Variants in SLC4A5 observed in about 807,000 individuals in gnomAD.
SLC4A5 encodes electrogenic sodium bicarbonate cotransporter 4.
In SLC4A5, 96 loss-of-function variants were observed where a neutral mutation model predicts 120.4. The observed-to-expected ratio is 0.80, with a 90% confidence interval of 0.68 to 0.94. SLC4A5 has a LOEUF of 0.94. Ranked by LOEUF, SLC4A5 falls within the 40% of genes least tolerant of loss-of-function variation. SLC4A5 has a pLI of 0.00. For missense variants in SLC4A5, 1,259 were observed against 1,459.5 expected (o/e 0.86, Z 2.24); for synonymous variants, 550 against 571.1 (o/e 0.96, Z 0.53).
chr2:74,319,352 A>C (rs971846302), intron 5 of SLC4A5: 10 of 152,202 alleles, frequency 6.6e-5, no homozygotes, highest in African/African-American at 2.4e-4. Flanking sequence ...GTACTCCCTA[A>C]ATATATATTT....
chr2:74,250,841 C>T (rs2103987106), intron 16 of SLC4A5: 1 of 263,378 alleles, frequency 3.8e-6, no homozygotes, highest in East Asian at 8.4e-5. Flanking sequence ...CTCCTCACAT[C>T]CCTGACCATC....
intron 2 of SLC4A5, among the ~76,000 whole-genome samples, chr2:74,341,304 CAAA>C (rs757430815): frequency 5.4e-5 from 4 of 74,318 alleles, no homozygotes; most frequent in Non-Finnish European, 3.3e-5. Context: ...GACTCCATCT[CAAA>C]AAAAAAAAAA....
chr2:74,229,850 T>C (rs1046754934), intron 25 of SLC4A5, among the ~76,000 whole-genome samples: 2 of 151,952 alleles, frequency 1.3e-5, no homozygotes, highest in Non-Finnish European at 2.9e-5. Context: ...TTCTTTAGCG[T>C]TTGTTTCTTA....
At chr2:74,231,155 T>C (rs1465076539) in intron 25 of SLC4A5, 81 bp downstream of exon 25, 5 of 1,356,414 alleles carry the variant, frequency 3.7e-6, no homozygotes, top group African/African-American at 2.9e-5. Flanking sequence ...TCCCTAGCCA[T>C]GTGGGGACCC....
intron 27 of SLC4A5, among the ~76,000 whole-genome samples, chr2:74,225,884 A>C (rs1694825992): frequency 6.6e-6 from 1 of 152,176 alleles, no homozygotes; most frequent in South Asian, 2.1e-4. Flanking sequence ...CACTCTGCTC[A>C]TGCTCTCTGA....
chr2:74,307,745 C>T (rs1350700060), intron 6 of SLC4A5: 3 of 699,800 alleles, frequency 4.3e-6, no homozygotes, highest in South Asian at 2.7e-5. Context: ...GCCAGGAGGT[C>T]GTTCAGGCTT....
chr2:74,304,975 T>C (rs1329925396), intron 6 of SLC4A5, among the ~76,000 whole-genome samples: 2 of 152,228 alleles, frequency 1.3e-5, no homozygotes, highest in East Asian at 1.9e-4. Context: ...ATATGGCTTA[T>C]GACACGTGGT....
intron 18 of SLC4A5, among the ~76,000 whole-genome samples, chr2:74,248,031 G>T (rs1249528760): frequency 6.6e-6 from 1 of 152,138 alleles, no homozygotes; most frequent in Non-Finnish European, 1.5e-5. Context: ...CTGGGTCTGG[G>T]TGTAACCTTC....
intron 7 of SLC4A5, among the ~76,000 whole-genome samples, chr2:74,300,579 G>T (rs889347639): frequency 1.3e-5 from 2 of 152,136 alleles, no homozygotes; most frequent in African/African-American, 4.8e-5. Flanking sequence ...CATGACAGGT[G>T]TCACCTGCTC....
At chr2:74,311,426 A>G (rs537856508) in intron 6 of SLC4A5, among the ~76,000 whole-genome samples, 3 of 152,212 alleles carry the variant, frequency 2.0e-5, no homozygotes, top group Non-Finnish European at 4.4e-5. Flanking sequence ...TTTCTAATAT[A>G]TGCATTTAAT....
chr2:74,297,368 C>T (rs1672361406), intron 7 of SLC4A5, among the ~76,000 whole-genome samples: 1 of 152,310 alleles, frequency 6.6e-6, no homozygotes, highest in East Asian at 1.9e-4. Context: ...TAGGACCGAT[C>T]TGGTTTTAGC....
At chr2:74,318,623 T>C (rs1000733911) in intron 5 of SLC4A5, among the ~76,000 whole-genome samples, 2 of 151,668 alleles carry the variant, frequency 1.3e-5, no homozygotes, top group Non-Finnish European at 2.9e-5. Flanking sequence ...AAGGCAGAGG[T>C]TGCAGACCGA....
chr2:74,221,388 C>T, intron 30 of SLC4A5, 46 bp downstream of exon 30: 1 of 1,445,482 alleles, frequency 6.9e-7, no homozygotes, highest in South Asian at 1.2e-5. Flanking sequence ...CGGCCATTTC[C>T]TAGTCTCTTA....
chr2:74,235,964 G>A (rs1231027169), intron 21 of SLC4A5, among the ~76,000 whole-genome samples: 1 of 152,190 alleles, frequency 6.6e-6, no homozygotes, highest in African/African-American at 2.4e-5. Context: ...AAGGCAATTT[G>A]AAGGGCAGGG....
At chr2:74,331,020 G>A (rs574824629) in intron 4 of SLC4A5, among the ~76,000 whole-genome samples, 1 of 148,820 alleles carries the variant, frequency 6.7e-6, no homozygotes, top group Non-Finnish European at 1.5e-5. Context: ...AGGTGGTGAG[G>A]TCTAGATGGA....
exon 27 of SLC4A5, chr2:74,226,969 G>T: frequency 6.2e-7 from 1 of 1,613,698 alleles, no homozygotes; most frequent in South Asian, 1.1e-5. Context: ...TGACCGGGAA[G>T]ATGATGGCAG....
At chr2:74,284,036 C>T (rs979529235) in intron 8 of SLC4A5, among the ~76,000 whole-genome samples, 1 of 151,848 alleles carries the variant, frequency 6.6e-6, no homozygotes, top group African/African-American at 2.4e-5. Context: ...TTTGTAGAGA[C>T]GAGGTCTTCC....
chr2:74,220,422 A>G (rs1054676139), intron 30 of SLC4A5, among the ~76,000 whole-genome samples: 1 of 152,152 alleles, frequency 6.6e-6, no homozygotes, highest in Non-Finnish European at 1.5e-5. Context: ...CTGTTAATTC[A>G]TTCTACAGAG....
intron 5 of SLC4A5, among the ~76,000 whole-genome samples, chr2:74,326,524 C>A (rs867408043): frequency 3.5e-4 from 53 of 152,288 alleles, no homozygotes; most frequent in South Asian, 1.7e-3. Context: ...ACCCTACTGA[C>A]AAAATCAACA....
Sources: allele counts gnomAD v4.1 joint callset (sites outside exome capture counted in the v4.1 genomes callset), GRCh38; gene constraint gnomAD v4.1.1; transcripts MANE v1.5; gene names NCBI Gene and HGNC (gene_info 2026-07-23, HGNC 2026-07-21).